Variants in TSPAN18 observed in about 807,000 individuals in gnomAD.
TSPAN18 encodes the protein tetraspanin-18.
In TSPAN18, 14 loss-of-function variants were observed where a neutral mutation model predicts 27.3. That is an observed-to-expected ratio of 0.51 (90% CI 0.34 to 0.80). The LOEUF (loss-of-function observed/expected upper bound fraction) is 0.80, where lower values mean the gene tolerates loss of function less well. Among genes scored for constraint, TSPAN18 ranks in the 30% least tolerant of loss-of-function variants. TSPAN18 has a pLI of 0.01. For missense variants in TSPAN18, 268 were observed against 323.9 expected, an observed-to-expected ratio of 0.83 and a Z score of 1.32; for synonymous variants, 143 against 136.5, an observed-to-expected ratio of 1.05 and a Z score of -0.33.
chr11:44,793,807 G>A (rs952099683), intron 2 of TSPAN18, among the ~76,000 whole-genome samples: 7 of 152,248 alleles, frequency 4.6e-5, no homozygotes, highest in African/African-American at 1.7e-4. Flanking sequence ...CCAGCCATTT[G>A]ACAACTGCCC....
chr11:44,834,369 C>T (rs1036960432), intron 2 of TSPAN18, among the ~76,000 whole-genome samples: 2 of 152,132 alleles, frequency 1.3e-5, no homozygotes, highest in African/African-American at 4.8e-5. Context: ...GAGAGCCACA[C>T]GGGTTCTTTC....
In TSPAN18 at chr11:44,919,946, C is replaced by T. The variant is rs1315863995; in HGVS notation, c.562C>T (p.Leu188=). 1.2e-6 allele frequency: 2 copies of T among 1,614,066 alleles called. No individual in the cohort carries two copies. The highest frequency in any genetic ancestry group is 2.2e-5 in the South Asian group (2 of 91,078). The part of the protein sequence containing the change: ...RREPQSRDGV[L]LSREECLLGR... The stretch of plus-strand genomic sequence containing the variant: ...GGAACCCCAAAGTCGGGACGGGGTC[C>T]TGCTGAGCCGGGAGGAGTGCCTCCT... Residue 188 remains leucine (L), a synonymous_variant, in exon 8 of 10, where the codon CTG becomes TTG. Transcript: ENST00000520358.
At chr11:44,748,154 T>C (rs149971325) in intron 1 of TSPAN18, among the ~76,000 whole-genome samples, 4,088 of 152,332 alleles carry the variant, frequency 0.027, 71 homozygotes, top group Non-Finnish European at 0.044. Context: ...ACACCTGTAA[T>C]CTCAGCACTT....
intron 2 of TSPAN18, among the ~76,000 whole-genome samples, chr11:44,787,056 T>A (rs1469557453): frequency 6.6e-6 from 1 of 152,192 alleles, no homozygotes; most frequent in Non-Finnish European, 1.5e-5. Context: ...ATACATATGA[T>A]GCTTGTGGGC....
intron 5 of TSPAN18, among the ~76,000 whole-genome samples, chr11:44,913,428 C>T (rs1423329904): frequency 6.6e-6 from 1 of 152,214 alleles, no homozygotes; most frequent in African/African-American, 2.4e-5. Flanking sequence ...CAATTTCAGC[C>T]TCCTATTGAA....
intron 8 of TSPAN18, among the ~76,000 whole-genome samples, chr11:44,924,377 G>A (rs1860267643): frequency 6.6e-6 from 1 of 152,178 alleles, no homozygotes; most frequent in Admixed American, 6.5e-5. Context: ...TGAGGCATAG[G>A]GAGAGGAAGT....
intron 5 of TSPAN18, among the ~76,000 whole-genome samples, chr11:44,912,630 C>T (rs1442673048): frequency 6.6e-6 from 1 of 152,040 alleles, no homozygotes; most frequent in Non-Finnish European, 1.5e-5. Flanking sequence ...ATTGTGTATA[C>T]ATGGATTGTG....
At chr11:44,843,918 A>G (rs1242448483) in intron 2 of TSPAN18, among the ~76,000 whole-genome samples, 1 of 152,212 alleles carries the variant, frequency 6.6e-6, no homozygotes, top group Non-Finnish European at 1.5e-5. Flanking sequence ...CACATGCTGT[A>G]GAATTTATGT....
At chr11:44,836,015 C>T (rs1350238349) in intron 2 of TSPAN18, among the ~76,000 whole-genome samples, 1 of 152,150 alleles carries the variant, frequency 6.6e-6, no homozygotes, top group African/African-American at 2.4e-5. Context: ...TCTCCTTGGG[C>T]CTTCCTATTT....
intron 1 of TSPAN18, among the ~76,000 whole-genome samples, chr11:44,739,549 G>A (rs112241000): frequency 0.056 from 8,559 of 152,212 alleles, 605 homozygotes; most frequent in African/African-American, 0.17. Context: ...ACTTGAACCC[G>A]GGAGGCAGAG....
intron 3 of TSPAN18, among the ~76,000 whole-genome samples, chr11:44,899,368 C>G (rs985937788): frequency 1.2e-4 from 19 of 152,180 alleles, no homozygotes; most frequent in African/African-American, 4.3e-4. Flanking sequence ...TTGAGTCAGC[C>G]CATGGTGAGA....
In TSPAN18 at chr11:44,873,918, G is replaced by A. The variant is rs559025585; in HGVS notation, c.-11+13449G>A. Among the ~76,000 whole-genome samples the A allele has an allele frequency of 7.2e-5, 11 of 152,292 alleles. No homozygotes were observed. The East Asian group carries it at 2.1e-3, about 29-fold the overall frequency. On this transcript the variant is annotated intron_variant, in intron 3 of 9. Transcript: ENST00000520358. ...CCCTCAGGGGGCTTATATGATCTGG[G>A]CCCTCCCAGGCTGGCATAGCTAGGT...
At chr11:44,793,385 AC>A (rs1856275114) in intron 2 of TSPAN18, among the ~76,000 whole-genome samples, 1 of 152,152 alleles carries the variant, frequency 6.6e-6, no homozygotes, top group Non-Finnish European at 1.5e-5. Flanking sequence ...GAGCAAATGT[AC>A]TCAGAAACGC....
intron 4 of TSPAN18, among the ~76,000 whole-genome samples, chr11:44,907,987 A>G (rs1331283923): frequency 2.0e-5 from 3 of 147,788 alleles, no homozygotes; most frequent in Non-Finnish European, 4.4e-5. Flanking sequence ...CCTGCGAGGC[A>G]GAGGTTGTGG....
intron 3 of TSPAN18, among the ~76,000 whole-genome samples, chr11:44,881,713 C>A (rs1001892881): frequency 1.3e-5 from 2 of 152,202 alleles, no homozygotes; most frequent in Non-Finnish European, 2.9e-5. Flanking sequence ...GAGGCACTGC[C>A]TGCCCAAGGG....
intron 3 of TSPAN18, among the ~76,000 whole-genome samples, chr11:44,879,208 G>A (rs1858421702): frequency 6.6e-6 from 1 of 152,158 alleles, no homozygotes; most frequent in African/African-American, 2.4e-5. Context: ...GGTTAAATCA[G>A]AAATGTGTGA....
rs191500069 is a variant in TSPAN18, at chr11:44,785,731, T to C, written c.-153+21219T>C. 2.2e-3 allele frequency among the ~76,000 whole-genome samples: 341 copies of C among 152,304 alleles called. 2 individuals are homozygous for C. The highest frequency in any genetic ancestry group is 2.4e-3 in the Non-Finnish European group (161 of 68,030). On this transcript the variant is annotated intron_variant, in intron 2 of 9. Transcript: ENST00000520358. ...GTATTTTGGGTCTTTGGCGGGACTT[T>C]GTAGAACTTTGTACTTAGCAGGACT... is the stretch of plus-strand genomic sequence containing the variant.
chr11:44,820,388 C>T (rs1856902078), intron 2 of TSPAN18, among the ~76,000 whole-genome samples: 1 of 152,184 alleles, frequency 6.6e-6, no homozygotes, highest in Non-Finnish European at 1.5e-5. Context: ...CCTCCCTGGT[C>T]CAGTCATCTG....
At chr11:44,774,434 G>T (rs138541058) in intron 2 of TSPAN18, among the ~76,000 whole-genome samples, 175 of 152,326 alleles carry the variant, frequency 1.1e-3, no homozygotes, top group African/African-American at 3.8e-3. Flanking sequence ...CTGGGGCCAG[G>T]CTTTGGGCTG....
Sources: gnomAD v4.1 joint callset for allele counts (sites outside exome capture counted in the v4.1 genomes callset) on GRCh38, gnomAD v4.1.1 for gene constraint, MANE v1.5 for transcripts, NCBI Gene and HGNC (gene_info 2026-07-23, HGNC 2026-07-21) for gene names.